PAPOLA: variants seen among roughly 807,000 people sequenced by gnomAD.
PAPOLA encodes the protein polynucleotide adenylyltransferase alpha.
Under a neutral mutation model 100.6 loss-of-function variants are expected in PAPOLA, and 15 were observed. That is an observed-to-expected ratio of 0.15 (90% CI 0.10 to 0.23). PAPOLA has a LOEUF of 0.23. PAPOLA is among the 10% of genes least tolerant of loss of function. The pLI is 1.00. For missense variants in PAPOLA, 533 were observed against 884.2 expected (o/e 0.60, Z 5.04); for synonymous variants, 293 against 300.0 (o/e 0.98, Z 0.24).
intron 1 of PAPOLA, chr14:96,502,994 TG>T (rs1896418980): frequency 4.5e-6 from 1 of 221,846 alleles, no homozygotes; most frequent in Non-Finnish European, 8.9e-6. Context: ...GATCAGCACT[TG>T]GGGTTCGGGC....
At chr14:96,535,108 C>G in intron 10 of PAPOLA, 2 of 979,748 alleles carry the variant, frequency 2.0e-6, no homozygotes, top group Non-Finnish European at 2.4e-6. Context: ...GAAGTTACAA[C>G]ATTTACCGCT....
intron 1 of PAPOLA, among the ~76,000 whole-genome samples, chr14:96,515,911 C>G (rs978952060): frequency 6.6e-6 from 1 of 152,156 alleles, no homozygotes; most frequent in African/African-American, 2.4e-5. Flanking sequence ...GGAGGAGGAA[C>G]TTTGCATTCT....
intron 2 of PAPOLA, among the ~76,000 whole-genome samples, 182 bp downstream of exon 2, chr14:96,520,410 T>C (rs1325273489): frequency 6.6e-6 from 1 of 152,140 alleles, no homozygotes; most frequent in East Asian, 1.9e-4. Context: ...GGAGTCTTGC[T>C]CGTTACCCAG....
intron 7 of PAPOLA, chr14:96,532,024 C>A: frequency 8.0e-7 from 1 of 1,250,388 alleles, no homozygotes; most frequent in Admixed American, 4.0e-5. Flanking sequence ...ATTAAGTCTT[C>A]CGCAGTATAT....
intron 1 of PAPOLA, among the ~76,000 whole-genome samples, chr14:96,510,593 C>T (rs1009477311): frequency 6.6e-6 from 1 of 152,176 alleles, no homozygotes; most frequent in African/African-American, 2.4e-5. Flanking sequence ...GCATAAGCAA[C>T]CTTGAATTTT....
chr14:96,529,646 C>T (rs1210620648), intron 6 of PAPOLA, among the ~76,000 whole-genome samples: 21 of 151,836 alleles, frequency 1.4e-4, no homozygotes, highest in Admixed American at 1.3e-3. Context: ...CACTTGAACC[C>T]GGGAAGTGGA....
intron 15 of PAPOLA, among the ~76,000 whole-genome samples, chr14:96,546,319 T>C (rs1900392477): frequency 6.6e-6 from 1 of 152,266 alleles, no homozygotes; most frequent in Admixed American, 6.5e-5. Flanking sequence ...GTTGGATCAC[T>C]GTCATTGCCA....
chr14:96,520,322 A>G, intron 2 of PAPOLA, 94 bp downstream of exon 2: 1 of 917,764 alleles, frequency 1.1e-6, no homozygotes, highest in Non-Finnish European at 1.6e-6. Flanking sequence ...TTAGAAGACC[A>G]GGGTTATTTG....
chr14:96,517,745 C>T (rs1229936760), intron 1 of PAPOLA, among the ~76,000 whole-genome samples: 2 of 147,126 alleles, frequency 1.4e-5, no homozygotes, highest in African/African-American at 5.1e-5. Context: ...GCTCTGTTGC[C>T]CAGGCTGGAG....
chr14:96,563,723 G>A (rs1228684955), intron 21 of PAPOLA, among the ~76,000 whole-genome samples: 1 of 152,068 alleles, frequency 6.6e-6, no homozygotes, highest in Non-Finnish European at 1.5e-5. Flanking sequence ...TGACTCTAAA[G>A]ATATATAAAT....
intron 12 of PAPOLA, chr14:96,537,262 T>A (rs569118826): frequency 3.6e-6 from 2 of 551,556 alleles, no homozygotes; most frequent in East Asian, 6.0e-5. Flanking sequence ...TTCTGCCCGA[T>A]CTAACTGAAC....
At chr14:96,506,803 G>A (rs1896746747) in intron 1 of PAPOLA, among the ~76,000 whole-genome samples, 1 of 152,102 alleles carries the variant, frequency 6.6e-6, no homozygotes, top group South Asian at 2.1e-4. Flanking sequence ...TGCATTCAAG[G>A]GTACATTCAG....
intron 1 of PAPOLA, among the ~76,000 whole-genome samples, chr14:96,518,509 C>T (rs903880315): frequency 1.2e-4 from 18 of 151,674 alleles, no homozygotes; most frequent in Admixed American, 7.9e-4. Flanking sequence ...CCCAGGTTCA[C>T]GCCATTCTCC....
chr14:96,505,225 G>T (rs10143834), intron 1 of PAPOLA, among the ~76,000 whole-genome samples: 39,338 of 151,948 alleles, frequency 0.26, 5,588 homozygotes, highest in African/African-American at 0.39. Flanking sequence ...TTTAACAGCA[G>T]CCTTAGCTTC....
At position 96,520,791 on chromosome 14, in the gene PAPOLA, A is replaced by G. The variant is rs148252530; in HGVS notation, c.183-215A>G. Among the ~76,000 whole-genome samples the G allele has an allele frequency of 2.7e-3, 415 of 152,224 alleles. 3 individuals carry two copies. The highest frequency in any genetic ancestry group is 9.6e-3 in the African/African-American group (400 of 41,532). On this transcript the variant is annotated intron_variant, in intron 2 of 21. Coordinates refer to ENST00000216277, the MANE Select transcript of PAPOLA (RefSeq NM_032632.5). ...TACTGAATTGTCTGGAGAAAAAGGA[A>G]TGCCTTACTCAGTGTAACAGTGCCT...
intron 1 of PAPOLA, among the ~76,000 whole-genome samples, chr14:96,512,987 G>T (rs1009236964): frequency 6.6e-5 from 10 of 152,206 alleles, no homozygotes; most frequent in African/African-American, 2.4e-4. Flanking sequence ...TGGAATTCGG[G>T]TCCCTATTTT....
chr14:96,507,280 G>GTTTTTTTTTTTTTTTTTT lies in PAPOLA; in HGVS notation c.8+4688_8+4705dup, dbSNP rs71103533. On this transcript the variant is annotated intron_variant, in intron 1 of 21. Transcript: ENST00000216277. ...ACTAAATTTTTTGTTTTGGAAAATAGTTTTTTTTTTTTTTTTTTTTTTTTT... is the reference window on the plus strand; with the variant it reads ...ACTAAATTTTTTGTTTTGGAAAATAGTTTTTTTTTTTTTTTTTTTTTTTTTTTTTTTTTTTTTTTTTTT... Among the ~76,000 whole-genome samples, 34 of 80,706 alleles carry GTTTTTTTTTTTTTTTTTT rather than the reference G, an allele frequency of 4.2e-4. 1 individual carries two copies. The highest frequency in any genetic ancestry group is 1.4e-3 in the African/African-American group (24 of 17,608). 52.9% of individuals were successfully genotyped at this position (80,706 alleles called of 152,430 possible). A position where few individuals can be genotyped will look rare whatever the true frequency, so the allele number is the denominator to read the frequency against.
At chr14:96,520,867 C>A in intron 2 of PAPOLA, 139 bp from the exon 3 acceptor site, 1 of 572,960 alleles carries the variant, frequency 1.7e-6, no homozygotes, top group East Asian at 3.0e-5. Context: ...AGAGAGCGAG[C>A]GAGCGTGCAC....
intron 1 of PAPOLA, among the ~76,000 whole-genome samples, chr14:96,518,114 C>T (rs909636284): frequency 6.6e-6 from 1 of 152,106 alleles, no homozygotes; most frequent in Non-Finnish European, 1.5e-5. Context: ...TTAATTTCTG[C>T]AAGAGATAAA....
Sources: allele counts gnomAD v4.1 joint callset (sites outside exome capture counted in the v4.1 genomes callset), GRCh38; gene constraint gnomAD v4.1.1; transcripts MANE v1.5; gene names NCBI Gene and HGNC (gene_info 2026-07-23, HGNC 2026-07-21).